Variants in EYS observed in about 807,000 individuals in gnomAD.
The protein encoded by EYS is EGF-like photoreceptor maintenance factor.
EYS carries 250 observed loss-of-function variants against 282.1 expected under a neutral mutation model. That is an observed-to-expected ratio of 0.89 (90% confidence interval 0.80 to 0.98). EYS has a LOEUF of 0.98. Among genes scored for constraint, EYS ranks in the 50% least tolerant of loss-of-function variants. The pLI, the probability that EYS is intolerant of heterozygous loss-of-function variation, is 0.00. For missense variants in EYS, 4,016 were observed against 3,709.0 expected (o/e 1.08, Z -2.15); for synonymous variants, 1,355 against 1,282.9 (o/e 1.06, Z -1.20).
At chr6:63,926,143 T>A (rs1356445360) in intron 35 of EYS, among the ~76,000 whole-genome samples, 1 of 152,188 alleles carries the variant, frequency 6.6e-6, no homozygotes, top group Non-Finnish European at 1.5e-5. Flanking sequence ...AGTTAGATAA[T>A]CTTTCAAAGT....
rs1204179277 is a variant in EYS, at chr6:63,762,543, G to A, written c.7989C>T (p.Ser2663=). The A allele has an allele frequency of 6.4e-7, 1 of 1,550,456 alleles. No homozygotes were observed. The highest frequency in any genetic ancestry group is 8.7e-7 in the Non-Finnish European group (1 of 1,146,102). Residue 2663 remains serine, a synonymous_variant, in exon 41 of 43, where the codon AGC becomes AGT. Coordinates refer to ENST00000503581, the MANE Select transcript of EYS (RefSeq NM_001142800.2). ...DPEHDPPHHC[S]RGATCISLPH... is the part of the protein sequence containing the mutation. ...GTAATGAAATGCAGGTTGCTCCTCT[G>A]CTACAGTGGTGTGGAGGGTCATGTT...
intron 31 of EYS, among the ~76,000 whole-genome samples, chr6:64,144,462 A>G (rs749939724): frequency 4.6e-5 from 7 of 152,148 alleles, no homozygotes; most frequent in Non-Finnish European, 1.0e-4. Context: ...CTATACTTCA[A>G]TTTGCTATGA....
chr6:65,174,710 A>G (rs1038630133), intron 12 of EYS, among the ~76,000 whole-genome samples: 2 of 151,366 alleles, frequency 1.3e-5, no homozygotes, highest in Non-Finnish European at 3.0e-5. Flanking sequence ...CACATTCTCT[A>G]TGCTTGACTG....
At chr6:64,747,324 C>T (rs1013305175) in intron 22 of EYS, among the ~76,000 whole-genome samples, 1 of 152,020 alleles carries the variant, frequency 6.6e-6, no homozygotes, top group African/African-American at 2.4e-5. Flanking sequence ...TCTGGTAACC[C>T]TTATGTTGGC....
At chr6:65,482,350 C>T (rs1283409670) in intron 5 of EYS, among the ~76,000 whole-genome samples, 1 of 152,120 alleles carries the variant, frequency 6.6e-6, no homozygotes, top group East Asian at 1.9e-4. Context: ...CTTATCAGCT[C>T]ATGTGACTCC....
chr6:63,745,594 A>ATAT (rs1769191780), intron 41 of EYS, among the ~76,000 whole-genome samples: 1 of 152,238 alleles, frequency 6.6e-6, no homozygotes, highest in African/African-American at 2.4e-5. Flanking sequence ...TCACATAAAG[A>ATAT]GTAATAGATG....
intron 2 of EYS, among the ~76,000 whole-genome samples, chr6:65,561,259 C>T (rs1404822633): frequency 3.9e-5 from 6 of 152,120 alleles, no homozygotes. Flanking sequence ...CATGTAAGCT[C>T]TACTATTAAC....
At position 65,494,825 on chromosome 6, in the gene EYS, T is replaced by G. The variant is rs749038401; in HGVS notation, c.586A>C (p.Lys196Gln). ...HGKCLSEAWSKTYSCHCQPPF... is the reference protein window; with the variant it reads ...HGKCLSEAWSQTYSCHCQPPF... ...GGCTGGCAATGGCAGCTATATGTCT[T>G]GCTCCAAGCTTCACTAAGACATTTA... is the stretch of plus-strand genomic sequence containing the variant. Residue 196 changes from lysine (K) to glutamine (Q), a missense_variant, in exon 4 of 43, where the codon AAG becomes CAG. By Grantham distance (53) the Lys-to-Gln change is moderately conservative. Transcript: ENST00000503581. 7.9e-5 allele frequency: 127 copies of G among 1,614,116 alleles called. No individual in the cohort carries two copies. In the East Asian group the frequency reaches 1.9e-3, roughly 25 times the overall value.
rs72881760 is a variant in EYS, at chr6:65,188,069, C to T, written c.2023+107794G>A. ...GCTTTCAAGTCTCTTTTTAAAATAA[C>T]TGTTTTTACTATTCAAAAAATAAAT... On this transcript the variant is annotated intron_variant, in intron 12 of 42. Transcript: ENST00000503581. Among the ~76,000 whole-genome samples the T allele has an allele frequency of 5.3e-3, 805 of 151,604 alleles. 5 individuals carry two copies. Among genetic ancestry groups the T allele is most frequent in the Non-Finnish European group, 9.3e-3 (630 of 67,718 alleles).
chr6:64,738,338 C>T (rs1240123454), intron 22 of EYS, among the ~76,000 whole-genome samples: 1 of 152,164 alleles, frequency 6.6e-6, no homozygotes, highest in Non-Finnish European at 1.5e-5. Flanking sequence ...CTTGCTTCCT[C>T]TTTCCTTGTG....
At chr6:63,979,652 T>A (rs1320880897) in intron 35 of EYS, among the ~76,000 whole-genome samples, 1 of 151,910 alleles carries the variant, frequency 6.6e-6, no homozygotes, top group Non-Finnish European at 1.5e-5. Flanking sequence ...GTGATGTAAA[T>A]ATTATCTGTT....
chr6:63,814,480 A>G (rs1400041923), intron 36 of EYS, among the ~76,000 whole-genome samples: 1 of 152,216 alleles, frequency 6.6e-6, no homozygotes, highest in African/African-American at 2.4e-5. Flanking sequence ...CGTATTCTAT[A>G]TAGATATTTA....
At position 63,947,733 on chromosome 6, in the gene EYS, A is replaced by G. The variant is rs769088252; in HGVS notation, c.7055+36650T>C. ...CAAGCAGGAATATTGTCCTAATCGC[A>G]TAATAAGCAATTAGAAAAAAAATGC... On this transcript the variant is annotated intron_variant, in intron 35 of 42. Transcript: ENST00000503581. Among the ~76,000 whole-genome samples, 6 of 152,178 alleles carry G rather than the reference A, an allele frequency of 3.9e-5. No homozygotes were observed. In the South Asian group the frequency reaches 1.2e-3, roughly 32 times the overall value.
intron 35 of EYS, among the ~76,000 whole-genome samples, chr6:63,897,420 A>G (rs761358551): frequency 6.6e-6 from 1 of 152,090 alleles, no homozygotes; most frequent in Non-Finnish European, 1.5e-5. Flanking sequence ...TAAGGGAGAG[A>G]CAGAGAGATT....
In EYS at chr6:63,972,563, T is replaced by C. The variant is rs1766628666; in HGVS notation, c.7055+11820A>G. 2.6e-5 allele frequency among the ~76,000 whole-genome samples: 4 copies of C among 152,304 alleles called. No homozygotes were observed. The South Asian group carries it at 8.3e-4, about 32-fold the overall frequency. On this transcript the variant is annotated intron_variant, in intron 35 of 42. Coordinates refer to ENST00000503581, the MANE Select transcript of EYS (RefSeq NM_001142800.2). ...AATCTTTTTTTTTATTATTATACTT[T>C]AAGTTCCTGGATACATGTGCAGAAC... is the stretch of plus-strand genomic sequence containing the variant.
intron 22 of EYS, among the ~76,000 whole-genome samples, chr6:64,709,800 C>T (rs1771147184): frequency 6.6e-6 from 1 of 152,192 alleles, no homozygotes; most frequent in South Asian, 2.1e-4. Context: ...TTTATTTTAA[C>T]TTTGTGGCAT....
chr6:65,131,628 A>G (rs1294340805), intron 12 of EYS, among the ~76,000 whole-genome samples: 1 of 151,938 alleles, frequency 6.6e-6, no homozygotes, highest in Non-Finnish European at 1.5e-5. Flanking sequence ...AAAATGTTAG[A>G]TCTCAAAGTA....
At chr6:65,224,691 T>G (rs891475489) in intron 12 of EYS, among the ~76,000 whole-genome samples, 30 of 152,110 alleles carry the variant, frequency 2.0e-4, no homozygotes, top group Non-Finnish European at 4.0e-4. Flanking sequence ...CTCAAATCAC[T>G]AAAATTAGAA....
chr6:65,391,810 G>T, intron 7 of EYS, among the ~76,000 whole-genome samples: 1 of 143,808 alleles, frequency 7.0e-6, no homozygotes, highest in East Asian at 2.1e-4. Flanking sequence ...TACAGAATTG[G>T]AAAAAACTAC....
Sources: gnomAD v4.1 joint callset for allele counts (sites outside exome capture counted in the v4.1 genomes callset) on GRCh38, gnomAD v4.1.1 for gene constraint, MANE v1.5 for transcripts, NCBI Gene and HGNC (gene_info 2026-07-23, HGNC 2026-07-21) for gene names.